Variants in STK39 observed in about 807,000 individuals in gnomAD.
STK39 encodes serine/threonine kinase 39.
In STK39, 20 loss-of-function variants were observed where a neutral mutation model predicts 77.8. The observed-to-expected ratio is 0.26, with a 90% CI of 0.18 to 0.37. The LOEUF (loss-of-function observed/expected upper bound fraction) is 0.37, where lower values mean the gene tolerates loss of function less well. STK39 is among the 10% of genes least tolerant of loss of function. STK39 has a pLI of 1.00. For missense variants in STK39, 479 were observed against 656.5 expected, an observed-to-expected ratio of 0.73 and a Z score of 2.95; for synonymous variants, 246 against 234.1, an observed-to-expected ratio of 1.05 and a Z score of -0.47.
chr2:168,090,571 T>C (rs1218650420), intron 10 of STK39, among the ~76,000 whole-genome samples: 1 of 152,242 alleles, frequency 6.6e-6, no homozygotes, highest in African/African-American at 2.4e-5. Context: ...GCTCTGAAAC[T>C]GTTCACCTCT....
rs200256565 is a variant in STK39, at chr2:168,066,027, C to CCAA, written c.1243-649_1243-647dup. Among the ~76,000 whole-genome samples, 1,338 of 150,308 alleles carry CCAA rather than the reference C, an allele frequency of 8.9e-3. 17 individuals are homozygous for CCAA. The highest frequency in any genetic ancestry group is 0.03 in the African/African-American group (1,239 of 40,816). On this transcript the variant is annotated intron_variant, in intron 12 of 17. Coordinates refer to ENST00000355999, the MANE Select transcript of STK39 (RefSeq NM_013233.3). ...AAAACTTGAAAGACAAAAAACAACA[C>CCAA]CAACAACAACAACAAAAAAAACCTC... is the stretch of plus-strand genomic sequence containing the variant.
chr2:167,997,779 T>C (rs1305742577), intron 16 of STK39, among the ~76,000 whole-genome samples: 1 of 152,226 alleles, frequency 6.6e-6, no homozygotes, highest in Admixed American at 6.5e-5. Flanking sequence ...CTGATTTTAC[T>C]AACATTCATC....
intron 10 of STK39, among the ~76,000 whole-genome samples, chr2:168,097,830 G>A (rs997877737): frequency 1.3e-5 from 2 of 152,136 alleles, no homozygotes; most frequent in African/African-American, 4.8e-5. Flanking sequence ...TCATGTGATT[G>A]TTATAGAACA....
At chr2:168,127,371 G>A (rs764482764) in intron 10 of STK39, among the ~76,000 whole-genome samples, 3 of 152,092 alleles carry the variant, frequency 2.0e-5, no homozygotes, top group African/African-American at 4.8e-5. Flanking sequence ...GGATGGTCTC[G>A]ATCTCCCGAC....
intron 1 of STK39, among the ~76,000 whole-genome samples, chr2:168,227,007 G>A (rs943880615): frequency 2.0e-5 from 3 of 152,260 alleles, no homozygotes; most frequent in South Asian, 4.1e-4. Flanking sequence ...AGCCTGGAAT[G>A]ACAGCTGTGA....
At chr2:168,037,883 G>A in intron 14 of STK39, among the ~76,000 whole-genome samples, 1 of 152,060 alleles carries the variant, frequency 6.6e-6, no homozygotes, top group Non-Finnish European at 1.5e-5. Context: ...ATAATGAGGG[G>A]GAAAGAGTTC....
At position 167,971,671 on chromosome 2, in the gene STK39, G is replaced by A. The variant is rs891439778; in HGVS notation, c.1499-6945C>T. On this transcript the variant is annotated intron_variant, in intron 16 of 17. Transcript: ENST00000355999. ...TGAATAAACAGCAATGCATGGAAGT[G>A]CATTTAAAAATGAAAAATTAAATCT... Among the ~76,000 whole-genome samples, 4 of 152,226 alleles carry A rather than the reference G, an allele frequency of 2.6e-5. No homozygotes were observed. The East Asian group carries it at 7.7e-4, about 29-fold the overall frequency.
intron 14 of STK39, among the ~76,000 whole-genome samples, chr2:168,034,112 C>T (rs1684893718): frequency 1.3e-5 from 2 of 152,194 alleles, no homozygotes; most frequent in African/African-American, 4.8e-5. Context: ...CAGCTGCTAA[C>T]AATGAACCCA....
At chr2:168,025,159 C>A (rs1262515949) in intron 14 of STK39, among the ~76,000 whole-genome samples, 2 of 152,154 alleles carry the variant, frequency 1.3e-5, no homozygotes, top group Non-Finnish European at 2.9e-5. Context: ...TGTTCCATCC[C>A]TCACCATTTC....
intron 5 of STK39, among the ~76,000 whole-genome samples, chr2:168,143,538 C>T (rs971673551): frequency 2.0e-5 from 3 of 152,118 alleles, no homozygotes; most frequent in African/African-American, 7.2e-5. Context: ...TGGTGAAACC[C>T]CATCTCTACT....
chr2:168,019,286 TGA>T (rs1034000597), intron 14 of STK39, among the ~76,000 whole-genome samples: 14 of 152,190 alleles, frequency 9.2e-5, no homozygotes, highest in African/African-American at 3.1e-4. Context: ...TAAAATATTC[TGA>T]GAGAGAGAGA....
intron 8 of STK39, among the ~76,000 whole-genome samples, chr2:168,136,498 C>G (rs1687846113): frequency 6.6e-6 from 1 of 152,066 alleles, no homozygotes; most frequent in South Asian, 2.1e-4. Flanking sequence ...AGTACACTAA[C>G]GATTCTACCC....
At chr2:168,210,222 AT>A (rs1266779244) in intron 1 of STK39, among the ~76,000 whole-genome samples, 2 of 152,160 alleles carry the variant, frequency 1.3e-5, no homozygotes, top group African/African-American at 4.8e-5. Context: ...CTGTGAACAT[AT>A]TGGAAACTGA....
At chr2:168,243,802 G>A (rs1690832774) in intron 1 of STK39, among the ~76,000 whole-genome samples, 1 of 152,114 alleles carries the variant, frequency 6.6e-6, no homozygotes, top group Non-Finnish European at 1.5e-5. Context: ...AGCAAATCTA[G>A]GTAATATTAT....
intron 2 of STK39, among the ~76,000 whole-genome samples, chr2:168,170,235 T>C (rs6433040): frequency 0.43 from 65,440 of 151,838 alleles, 16,113 homozygotes; most frequent in East Asian, 0.77. Context: ...AACAATCTAT[T>C]GGTTAAATTA....
intron 1 of STK39, among the ~76,000 whole-genome samples, chr2:168,196,290 G>A (rs1266041287): frequency 6.6e-6 from 1 of 152,190 alleles, no homozygotes; most frequent in African/African-American, 2.4e-5. Context: ...TATTTAGGGT[G>A]GTAGAAAGGA....
intron 5 of STK39, among the ~76,000 whole-genome samples, chr2:168,153,555 C>T (rs1688345341): frequency 6.6e-6 from 1 of 151,074 alleles, no homozygotes; most frequent in Admixed American, 6.6e-5. Flanking sequence ...TCTAGGAGCA[C>T]ACCTTGAGAG....
intron 1 of STK39, among the ~76,000 whole-genome samples, chr2:168,224,144 A>T (rs548616185): frequency 7.2e-5 from 11 of 152,128 alleles, no homozygotes; most frequent in Non-Finnish European, 1.0e-4. Flanking sequence ...AAGGGGAGAA[A>T]GAAAAGAGTA....
intron 1 of STK39, among the ~76,000 whole-genome samples, chr2:168,190,615 A>G (rs1689316524): frequency 6.6e-6 from 1 of 152,194 alleles, no homozygotes; most frequent in Non-Finnish European, 1.5e-5. Context: ...ATTCTATGTG[A>G]GCATAGAGAG....
Sources: gnomAD v4.1 joint callset for allele counts (sites outside exome capture counted in the v4.1 genomes callset) on GRCh38, gnomAD v4.1.1 for gene constraint, MANE v1.5 for transcripts, NCBI Gene and HGNC (gene_info 2026-07-23, HGNC 2026-07-21) for gene names.